The following PCARE variants were observed in gnomAD, a reference collection of about 807,000 sequenced individuals.
The protein encoded by PCARE is photoreceptor cilium actin regulator.
A neutral mutation model predicts 82.2 loss-of-function variants in PCARE; 72 were observed. That is an observed-to-expected ratio of 0.88 (90% CI 0.72 to 1.07). The LOEUF (loss-of-function observed/expected upper bound fraction) is 1.07. Among genes scored for constraint, PCARE ranks in the 50% least tolerant of loss-of-function variants. The probability of loss-of-function intolerance (pLI) is 0.00; values close to 1 mark genes in which losing one functional copy is unlikely to be tolerated. For missense variants in PCARE, 1,768 were observed against 1,592.4 expected (o/e 1.11, Z -1.88); for synonymous variants, 705 against 634.8 (o/e 1.11, Z -1.66).
chr2:29,066,605 G>C (rs1266642783), intron 1 of PCARE, among the ~76,000 whole-genome samples: 1 of 152,264 alleles, frequency 6.6e-6, no homozygotes, highest in Non-Finnish European at 1.5e-5. Context: ...ATCGAGGTGG[G>C]TGGTAGGAGT....
Position 29,070,727 on chromosome 2 carries a change from C to T in PCARE, c.3535G>A (p.Ala1179Thr). ...PWLRADSQRR[A>T]ALCALNPLPF... ...AGAGGGTTGAGGGCACACAGAGCTG[C>T]TCTCCGCTGCGAGTCTGCTCTCAGC... Residue 1179 changes from alanine to threonine, a missense_variant, in exon 1 of 2, where the codon GCA becomes ACA. By Grantham distance (58) the Ala-to-Thr change is moderately conservative. Coordinates refer to ENST00000331664, the MANE Select transcript of PCARE (RefSeq NM_001029883.3). The T allele has an allele frequency of 6.2e-7, 1 of 1,614,112 alleles. No individual in the cohort carries two copies. The highest frequency in any genetic ancestry group is 8.5e-7 in the Non-Finnish European group (1 of 1,180,032).
chr2:29,068,612 C>A (rs72788198), intron 1 of PCARE, among the ~76,000 whole-genome samples: 2 of 152,268 alleles, frequency 1.3e-5, no homozygotes, highest in South Asian at 4.1e-4. Context: ...CTTGAGCATA[C>A]GAGTTCTTCT....
At chr2:29,065,178 A>C (rs1357339092) in intron 1 of PCARE, 111 bp from the exon 2 acceptor site, 5 of 1,262,416 alleles carry the variant, frequency 4.0e-6, no homozygotes, top group Non-Finnish European at 5.6e-6. Flanking sequence ...CCTCTCCCAC[A>C]AGCCTGTTCA....
In PCARE at chr2:29,071,693, TC is replaced by T. The variant is rs1667488841; in HGVS notation, c.2568del (p.Asn857ThrfsTer26). On this transcript the variant is annotated frameshift_variant, in exon 1 of 2. Coordinates refer to ENST00000331664, the MANE Select transcript of PCARE (RefSeq NM_001029883.3). LOFTEE classifies it high-confidence loss of function. ...LESPESSKST[E>X]NSPKETQEPG... ...GGCTCCTGGGTTTCCTTGGGGGAGT[TC>T]TCTGTGGACTTGCTGCTTTCTGGGG... 6.2e-7 allele frequency: 1 copy of T among 1,613,990 alleles called. No homozygotes were observed. The highest frequency in any genetic ancestry group is 2.2e-5 in the East Asian group (1 of 44,888).
Position 29,071,525 on chromosome 2 carries a change from T to A in PCARE, c.2737A>T (p.Ser913Cys), listed in dbSNP as rs201638489. The A allele has an allele frequency of 6.2e-7, 1 of 1,602,924 alleles. No individual in the cohort carries two copies. Among genetic ancestry groups the A allele is most frequent in the Non-Finnish European group, 8.5e-7 (1 of 1,178,492 alleles). The change falls in exon 1 of 2, where the codon AGC (serine) becomes TGC (cysteine). Residue 913 changes from serine (S) to cysteine (C), a missense_variant. Ser to Cys is a moderately radical substitution (Grantham distance 112). Transcript: ENST00000331664. ...PHSTGPGSGR[S>C]SCQPRKPALD... is the part of the protein sequence containing the mutation. ...GCTGGCTTCCTGGGCTGGCAGCTGC[T>A]CCTGCCACTCCCTGGCCCTGTGCTG...
intron 1 of PCARE, among the ~76,000 whole-genome samples, chr2:29,068,156 T>C (rs1305561738): frequency 1.3e-5 from 2 of 152,196 alleles, no homozygotes; most frequent in African/African-American, 4.8e-5. Context: ...TTTATAGAGA[T>C]TCTCAGATGA....
rs746913756 is a variant in PCARE, at chr2:29,070,904, G to T, written c.3358C>A (p.His1120Asn). The stretch of plus-strand genomic sequence containing the variant: ...GAGGTAGCTGGGCAGAATATGGAAT[G>T]TGTGTTCCCAGACACTTTGGCTATG... ...AVIAKVSGNT[H>N]SIFCPATSSL... Residue 1120 changes from histidine (H) to asparagine (N), a missense_variant, in exon 1 of 2, where the codon CAT (histidine) becomes AAT (asparagine). His to Asn is a moderately conservative substitution (Grantham distance 68, BLOSUM62 1). Coordinates refer to ENST00000331664, the MANE Select transcript of PCARE (RefSeq NM_001029883.3). The T allele has an allele frequency of 6.2e-7, 1 of 1,613,930 alleles. No homozygotes were observed. Among genetic ancestry groups the T allele is most frequent in the African/African-American group, 1.3e-5 (1 of 74,996 alleles).
At position 29,070,772 on chromosome 2, in the gene PCARE, T is replaced by G. The variant is rs1033892566; in HGVS notation, c.3490A>C (p.Lys1164Gln). 1 of 1,614,016 alleles carries G rather than the reference T, an allele frequency of 6.2e-7. No homozygotes were observed. Among genetic ancestry groups the G allele is most frequent in the African/African-American group, 1.3e-5 (1 of 74,936 alleles). ...GPLGNPAECWKNSSGPWLRAD... is the reference protein window; with the variant it reads ...GPLGNPAECWQNSSGPWLRAD... ...CTCAGCCAAGGCCCTGAGCTGTTCT[T>G]CCAGCATTCTGCTGGGTTCCCGAGA... The change falls in exon 1 of 2, where the codon AAG becomes CAG. Residue 1164 changes from lysine to glutamine, a missense_variant. Transcript: ENST00000331664.
chr2:29,073,603 C>T lies in PCARE; in HGVS notation c.659G>A (p.Ser220Asn). ...QTRELLQPMV[S>N]FLLLCFEEIS... ...CTCCTCAAAGCACAGCAGCAAGAAG[C>T]TGACCATGGGCTGCAGCAGCTCCCG... Residue 220 changes from serine (S) to asparagine (N), a missense_variant, in exon 1 of 2, where the codon AGC becomes AAC. Transcript: ENST00000331664. 6.2e-7 allele frequency: 1 copy of T among 1,614,234 alleles called. No homozygotes were observed. Among genetic ancestry groups the T allele is most frequent in the Non-Finnish European group, 8.5e-7 (1 of 1,180,044 alleles).
In PCARE at chr2:29,073,489, C is replaced by A. The variant is rs116156338; in HGVS notation, c.773G>T (p.Arg258Ile). Reference sequence around the variant, plus strand: ...GAGATTTGGCTGCTCCTGGGGCTCTCTTTTCTTCAAAGGCCAAGCCAGATC... The same window carrying A: ...GAGATTTGGCTGCTCCTGGGGCTCTATTTTCTTCAAAGGCCAAGCCAGATC... ...REDLAWPLKK[R>I]EPQEQPNLLQ... Residue 258 changes from arginine (R) to isoleucine (I), a missense_variant, in exon 1 of 2, where the codon AGA becomes ATA. Transcript: ENST00000331664. 2,954 of 1,614,164 alleles carry A rather than the reference C, an allele frequency of 1.8e-3. 41 individuals carry two copies. The African/African-American group carries it at 0.033, about 18-fold the overall frequency.
Position 29,064,587 on chromosome 2 carries a change from C to A in PCARE, c.*282G>T. On this transcript the variant is annotated 3_prime_UTR_variant, in exon 2 of 2. Transcript: ENST00000331664. ...AACTATACATTCTCCACCCCCCACC[C>A]CACCCCAAATTAAGGCCAGCACTTG... 1.7e-6 allele frequency: 1 copy of A among 573,048 alleles called. No homozygotes were observed. The highest frequency in any genetic ancestry group is 3.1e-6 in the Non-Finnish European group (1 of 319,732). The allele number at this position is 573,048 out of a possible 1,614,324, so 35.5% of individuals were successfully genotyped here.
At position 29,072,619 on chromosome 2, in the gene PCARE, A is replaced by G; in HGVS notation, c.1643T>C (p.Ile548Thr). 6.2e-7 allele frequency: 1 copy of G among 1,614,020 alleles called. No homozygotes were observed. The highest frequency in any genetic ancestry group is 8.5e-7 in the Non-Finnish European group (1 of 1,180,002). The change falls in exon 1 of 2, where the codon ATC becomes ACC. Residue 548 changes from isoleucine to threonine, a missense_variant. By Grantham distance (89) the Ile-to-Thr change is moderately conservative. Transcript: ENST00000331664. Reference protein sequence around the residue: ...QEMILKMKESISERIKFVPVP... With the variant: ...QEMILKMKESTSERIKFVPVP... ...AGGGACAAACTTGATCCTTTCGCTG[A>G]TTGACTCCTTCATCTTCAGAATCAT...
At position 29,073,314 on chromosome 2, in the gene PCARE, AT is replaced by A. The variant is rs779886453; in HGVS notation, c.947del (p.Asn316MetfsTer7). On this transcript the variant is annotated frameshift_variant, in exon 1 of 2. Coordinates refer to ENST00000331664, the MANE Select transcript of PCARE (RefSeq NM_001029883.3). LOFTEE classifies it high-confidence loss of function. ...GAGCCCTCAGGAGGCGTTCATCCACATTCCTTTTTGTGCTCAGCTTATTTTC... is the reference window on the plus strand; with the variant it reads ...GAGCCCTCAGGAGGCGTTCATCCACATCCTTTTTGTGCTCAGCTTATTTTC... The part of the protein sequence containing the change: ...HLENKLSTKR[N>X]VDERLLRALR... The A allele has an allele frequency of 2.0e-5, 32 of 1,613,878 alleles. No individual in the cohort carries two copies. Among genetic ancestry groups the A allele is most frequent in the Non-Finnish European group, 2.6e-5 (31 of 1,180,010 alleles).
At chr2:29,070,568 G>A (rs1667453781) in intron 1 of PCARE, 26 bp downstream of exon 1, 3 of 1,613,442 alleles carry the variant, frequency 1.9e-6, no homozygotes, top group African/African-American at 2.7e-5. Context: ...GCCGCTGAAG[G>A]GCAGTGACCC....
intron 1 of PCARE, among the ~76,000 whole-genome samples, chr2:29,070,269 G>GT (rs1423425986): frequency 6.6e-6 from 1 of 151,998 alleles, no homozygotes; most frequent in Admixed American, 6.6e-5. Flanking sequence ...CCCTCCCCTT[G>GT]TTCCCTACCC....
intron 1 of PCARE, 68 bp from the exon 2 acceptor site, chr2:29,065,135 G>T: frequency 6.7e-7 from 1 of 1,495,510 alleles, no homozygotes; most frequent in Non-Finnish European, 9.0e-7. Flanking sequence ...CCCCACCCCT[G>T]TCCTCCATTC....
chr2:29,065,249 G>A (rs943452935), intron 1 of PCARE, among the ~76,000 whole-genome samples, 182 bp from the exon 2 acceptor site: 4 of 152,212 alleles, frequency 2.6e-5, no homozygotes, highest in Non-Finnish European at 4.4e-5. Flanking sequence ...CGCCATTGCC[G>A]TGTGCCTGCA....
chr2:29,069,901 T>C (rs1209180020), intron 1 of PCARE, among the ~76,000 whole-genome samples: 2 of 152,120 alleles, frequency 1.3e-5, no homozygotes, highest in Non-Finnish European at 2.9e-5. Context: ...TGGGACCAAA[T>C]AGCTTGAGAA....
chr2:29,067,553 C>A (rs1667408024), intron 1 of PCARE, among the ~76,000 whole-genome samples: 1 of 152,018 alleles, frequency 6.6e-6, no homozygotes, highest in East Asian at 1.9e-4. Flanking sequence ...TCTTTTTTTA[C>A]ATTTTTCTCT....
Sources: gnomAD v4.1 joint callset for allele counts (sites outside exome capture counted in the v4.1 genomes callset) on GRCh38, gnomAD v4.1.1 for gene constraint, MANE v1.5 for transcripts, NCBI Gene and HGNC (gene_info 2026-07-23, HGNC 2026-07-21) for gene names.